Variants in CHCHD3 observed in about 807,000 individuals in gnomAD.
CHCHD3 encodes the protein coiled-coil-helix-coiled-coil-helix domain containing 3, also known as MICOS complex subunit MIC19.
A neutral mutation model predicts 38.2 loss-of-function variants in CHCHD3; 20 were observed. That is an observed-to-expected ratio of 0.52 (90% CI 0.37 to 0.76). CHCHD3 has a LOEUF of 0.76. CHCHD3 is among the 30% of genes least tolerant of loss of function. The probability of loss-of-function intolerance (pLI) is 0.00; values close to 1 mark genes in which losing one functional copy is unlikely to be tolerated. For synonymous variants in CHCHD3, 82 were observed against 100.0 expected (o/e 0.82, Z 1.07); for missense variants, 245 against 279.2 (o/e 0.88, Z 0.87).
At chr7:132,847,619 A>C (rs1166937242) in intron 5 of CHCHD3, among the ~76,000 whole-genome samples, 4 of 152,200 alleles carry the variant, frequency 2.6e-5, no homozygotes, top group African/African-American at 9.6e-5. Flanking sequence ...CCATTTTCAG[A>C]AAGTCTCACT....
chr7:133,000,652 G>A (rs1268217828), intron 3 of CHCHD3, among the ~76,000 whole-genome samples: 2 of 152,092 alleles, frequency 1.3e-5, no homozygotes, highest in South Asian at 2.1e-4. Flanking sequence ...CAAATATAAT[G>A]CAGACTACAT....
chr7:133,020,787 A>G (rs1813156916), intron 3 of CHCHD3, among the ~76,000 whole-genome samples: 1 of 152,368 alleles, frequency 6.6e-6, no homozygotes, highest in South Asian at 2.1e-4. Flanking sequence ...GGCATAGAAT[A>G]TGATATTGTG....
chr7:132,931,515 T>G (rs1302186378), intron 4 of CHCHD3, among the ~76,000 whole-genome samples: 10 of 152,194 alleles, frequency 6.6e-5, no homozygotes, highest in Non-Finnish European at 1.5e-4. Context: ...TTTCTTATAC[T>G]AGAACATAAA....
chr7:132,915,187 A>T (rs149879691), intron 4 of CHCHD3, among the ~76,000 whole-genome samples: 1 of 152,116 alleles, frequency 6.6e-6, no homozygotes, highest in African/African-American at 2.4e-5. Flanking sequence ...AATCCTATTT[A>T]CCTCAACAAG....
chr7:133,041,754 G>A (rs942281343), intron 2 of CHCHD3, among the ~76,000 whole-genome samples: 2 of 152,060 alleles, frequency 1.3e-5, no homozygotes, highest in Non-Finnish European at 2.9e-5. Flanking sequence ...AGTCATATAC[G>A]CAAAACTTGA....
At chr7:133,008,151 A>G (rs1812753385) in intron 3 of CHCHD3, among the ~76,000 whole-genome samples, 2 of 152,182 alleles carry the variant, frequency 1.3e-5, no homozygotes, top group African/African-American at 4.8e-5. Flanking sequence ...CTATCTTCCT[A>G]AGTGAAATGT....
intron 4 of CHCHD3, among the ~76,000 whole-genome samples, chr7:132,900,789 A>C (rs1585619611): frequency 6.6e-6 from 1 of 152,268 alleles, no homozygotes; most frequent in East Asian, 1.9e-4. Flanking sequence ...TCAGGAGTTC[A>C]AGACCGGCCT....
At chr7:133,074,293 G>A (rs1331601939) in intron 1 of CHCHD3, among the ~76,000 whole-genome samples, 1 of 152,124 alleles carries the variant, frequency 6.6e-6, no homozygotes, top group Non-Finnish European at 1.5e-5. Flanking sequence ...AAACCAGAAT[G>A]GAAATAAGAT....
chr7:133,035,038 G>A lies in CHCHD3; in HGVS notation c.170-10411C>T. The A allele has an allele frequency of 1.9e-6, 3 of 1,613,358 alleles. No individual in the cohort carries two copies. Among genetic ancestry groups the A allele is most frequent in the Non-Finnish European group, 2.5e-6 (3 of 1,179,584 alleles). On this transcript the variant is annotated intron_variant, in intron 2 of 7. Transcript: ENST00000262570. This position sits in a 1 kb window ranked among gnomAD's most constrained non-coding sequence, Gnocchi z 4.7. ...AGTGTGTCCTCATTGGAGTACTTGC[G>A]CTTAAATTCATCCAACACAAAGGTA...
intron 3 of CHCHD3, among the ~76,000 whole-genome samples, chr7:132,993,668 G>C (rs7811834): frequency 0.71 from 107,988 of 152,150 alleles, 38,488 homozygotes; most frequent in African/African-American, 0.75. Context: ...TGGTATGCCA[G>C]CAGCTGATGA....
chr7:133,081,824 C>G (rs11769814), intron 1 of CHCHD3, 33 bp downstream of exon 1: 1,038,562 of 1,548,492 alleles, frequency 0.67, 349,924 homozygotes, highest in Admixed American at 0.8. Flanking sequence ...CCGAGTCCAA[C>G]CACTGGCCCT....
chr7:133,058,611 G>A (rs1043638730), intron 2 of CHCHD3, among the ~76,000 whole-genome samples: 1 of 152,090 alleles, frequency 6.6e-6, no homozygotes, highest in Non-Finnish European at 1.5e-5. Flanking sequence ...TTTAATAACT[G>A]ATTTTCATTT....
intron 4 of CHCHD3, among the ~76,000 whole-genome samples, chr7:132,961,599 G>A (rs117308006): frequency 0.011 from 1,604 of 152,246 alleles, 13 homozygotes; most frequent in South Asian, 0.067. Flanking sequence ...GCGTGTGCTC[G>A]CACACAATGC....
At chr7:132,787,209 G>A (rs185846155) in intron 7 of CHCHD3, among the ~76,000 whole-genome samples, 9 of 152,256 alleles carry the variant, frequency 5.9e-5, no homozygotes, top group South Asian at 2.1e-4. Flanking sequence ...GGCCCAGGAC[G>A]GACGCCAGGC....
At chr7:132,953,212 C>T (rs897932694) in intron 4 of CHCHD3, among the ~76,000 whole-genome samples, 5 of 152,148 alleles carry the variant, frequency 3.3e-5, no homozygotes, top group Admixed American at 3.3e-4. Flanking sequence ...TTCTCCAATG[C>T]TGTGAATTTA....
intron 2 of CHCHD3, among the ~76,000 whole-genome samples, chr7:133,062,623 C>A (rs1814548274): frequency 6.6e-6 from 1 of 152,104 alleles, no homozygotes; most frequent in South Asian, 2.1e-4. Flanking sequence ...AAATGGGGAG[C>A]TTCTTTAAAA....
chr7:132,951,324 A>C (rs1175949758), intron 4 of CHCHD3, among the ~76,000 whole-genome samples: 1 of 152,222 alleles, frequency 6.6e-6, no homozygotes, highest in Non-Finnish European at 1.5e-5. Context: ...CCCTGGCTTT[A>C]CAGGGAGGGG....
intron 4 of CHCHD3, among the ~76,000 whole-genome samples, chr7:132,964,539 G>A (rs772842179): frequency 2.0e-5 from 3 of 152,140 alleles, no homozygotes; most frequent in Non-Finnish European, 4.4e-5. Flanking sequence ...CCAAGATCAC[G>A]CCACTGCACT....
chr7:132,931,288 T>C (rs1046716301), intron 4 of CHCHD3, among the ~76,000 whole-genome samples: 3 of 152,250 alleles, frequency 2.0e-5, no homozygotes, highest in African/African-American at 7.2e-5. Flanking sequence ...ATAAAAGTTA[T>C]TTGGAAAACC....
Sources: gnomAD v4.1 joint callset for allele counts (sites outside exome capture counted in the v4.1 genomes callset) on GRCh38, gnomAD v4.1.1 for gene constraint, Gnocchi (gnomAD v3.1) non-coding constraint, MANE v1.5 for transcripts, NCBI Gene and HGNC (gene_info 2026-07-23, HGNC 2026-07-21) for gene names.